Variants in NEDD9 observed in about 807,000 individuals in gnomAD.
NEDD9 encodes enhancer of filamentation 1.
NEDD9 carries 26 observed loss-of-function variants against 76.6 expected under a neutral mutation model. The ratio of observed to expected loss-of-function variants is 0.34; its 90% CI spans 0.25 to 0.47. The LOEUF is 0.47. Ranked by LOEUF, NEDD9 falls within the 20% of genes least tolerant of loss-of-function variation. The probability of loss-of-function intolerance (pLI) is 1.00; values close to 1 mark genes in which losing one functional copy is unlikely to be tolerated. For synonymous variants in NEDD9, 392 were observed against 414.2 expected (o/e 0.95, Z 0.65); for missense variants, 937 against 1,058.5 (o/e 0.89, Z 1.59).
intron 1 of NEDD9, among the ~76,000 whole-genome samples, chr6:11,340,736 T>C (rs1762257275): frequency 6.6e-6 from 1 of 152,224 alleles, no homozygotes; most frequent in Non-Finnish European, 1.5e-5. Flanking sequence ...ATAGATTCTC[T>C]CAATGGCCTT....
intron 1 of NEDD9, among the ~76,000 whole-genome samples, chr6:11,363,263 T>A (rs1762708778): frequency 6.6e-6 from 1 of 152,228 alleles, no homozygotes; most frequent in Admixed American, 6.5e-5. Flanking sequence ...ATCCCATGAT[T>A]AAAGAGATTG....
intron 1 of NEDD9, among the ~76,000 whole-genome samples, chr6:11,217,624 C>T (rs1302303386): frequency 6.6e-6 from 1 of 152,210 alleles, no homozygotes; most frequent in African/African-American, 2.4e-5. Flanking sequence ...AACCCTTTCA[C>T]TTTACAAAAG....
At chr6:11,328,183 G>T (rs1250373448) in intron 2 of NEDD9, among the ~76,000 whole-genome samples, 1 of 152,230 alleles carries the variant, frequency 6.6e-6, no homozygotes, top group Non-Finnish European at 1.5e-5. Context: ...GCGTGCATTG[G>T]TGGGTGGATG....
At chr6:11,188,463 G>T (rs1291882411) in intron 5 of NEDD9, among the ~76,000 whole-genome samples, 156 bp from the exon 6 acceptor site, 1 of 152,198 alleles carries the variant, frequency 6.6e-6, no homozygotes, top group Non-Finnish European at 1.5e-5. Context: ...GACGACAGGG[G>T]TGGCAGAAAA....
chr6:11,338,079 C>T (rs759454662), intron 1 of NEDD9, among the ~76,000 whole-genome samples: 2 of 152,168 alleles, frequency 1.3e-5, no homozygotes, highest in Non-Finnish European at 2.9e-5. Context: ...TCCTAAGCCC[C>T]AGTGCCTCAG....
intron 3 of NEDD9, among the ~76,000 whole-genome samples, chr6:11,294,791 TC>T (rs1760854071): frequency 6.6e-6 from 1 of 152,214 alleles, no homozygotes; most frequent in African/African-American, 2.4e-5. Context: ...GATCTGTATA[TC>T]CCTGATGATT....
At chr6:11,355,784 G>A (rs1000916496) in intron 1 of NEDD9, among the ~76,000 whole-genome samples, 34 of 151,866 alleles carry the variant, frequency 2.2e-4, no homozygotes, top group African/African-American at 7.7e-4. Context: ...GCAGTGGCGC[G>A]ATCTCCGCTC....
chr6:11,311,032 C>A (rs1465795134), intron 2 of NEDD9, among the ~76,000 whole-genome samples: 2 of 152,158 alleles, frequency 1.3e-5, no homozygotes, highest in African/African-American at 4.8e-5. Context: ...TGGGACTTTT[C>A]TCCATATATG....
chr6:11,202,545 C>T (rs2113738897), intron 2 of NEDD9, among the ~76,000 whole-genome samples: 1 of 152,266 alleles, frequency 6.6e-6, no homozygotes, highest in East Asian at 1.9e-4. Context: ...GCTTAAAATC[C>T]AAGAGTACTA....
intron 3 of NEDD9, among the ~76,000 whole-genome samples, chr6:11,247,947 A>C (rs1013134497): frequency 1.3e-5 from 2 of 152,212 alleles, no homozygotes; most frequent in Non-Finnish European, 2.9e-5. Flanking sequence ...ATTCCTTTGT[A>C]GGCTTTCCAC....
At chr6:11,237,270 T>C (rs1218461530), upstream of NEDD9, among the ~76,000 whole-genome samples, 1 of 152,200 alleles carries the variant, frequency 6.6e-6, no homozygotes. This position sits in a 1 kb window ranked among gnomAD's most constrained non-coding sequence, Gnocchi z 4.9. Context: ...AACAGGGTGG[T>C]ATCTTGTTCA....
At chr6:11,253,575 G>A (rs112407045) in intron 3 of NEDD9, among the ~76,000 whole-genome samples, 4 of 152,208 alleles carry the variant, frequency 2.6e-5, no homozygotes, top group African/African-American at 9.6e-5. Context: ...TTCAAAACTA[G>A]TTTCCACGTT....
chr6:11,230,589 G>C (rs1759439215), intron 1 of NEDD9, among the ~76,000 whole-genome samples: 1 of 152,176 alleles, frequency 6.6e-6, no homozygotes, highest in Non-Finnish European at 1.5e-5. Context: ...TAACTAGAGA[G>C]AAAGAAAACT....
intron 1 of NEDD9, among the ~76,000 whole-genome samples, chr6:11,216,026 C>T (rs1758943804): frequency 6.6e-6 from 1 of 152,180 alleles, no homozygotes; most frequent in African/African-American, 2.4e-5. Context: ...CAGTAACCTT[C>T]TTACCACCTG....
At chr6:11,313,425 ATGGG>A (rs1195139803) in intron 2 of NEDD9, among the ~76,000 whole-genome samples, 1 of 135,748 alleles carries the variant, frequency 7.4e-6, no homozygotes, top group Non-Finnish European at 1.6e-5. Context: ...GAATAGATGG[ATGGG>A]TGGGTGGGTG....
At chr6:11,374,068 A>G (rs55945223) in intron 1 of NEDD9, among the ~76,000 whole-genome samples, 11 of 147,918 alleles carry the variant, frequency 7.4e-5, no homozygotes, top group Non-Finnish European at 7.4e-5. Flanking sequence ...CTCTCTCTCT[A>G]TATATATATG....
At chr6:11,349,672 G>A in intron 1 of NEDD9, among the ~76,000 whole-genome samples, 1 of 152,154 alleles carries the variant, frequency 6.6e-6, no homozygotes, top group Admixed American at 6.5e-5. Context: ...ATCGGGAACA[G>A]AAAACCAAAC....
intron 3 of NEDD9, among the ~76,000 whole-genome samples, chr6:11,286,402 ATAGT>A (rs1216475773): frequency 2.0e-5 from 3 of 152,256 alleles, no homozygotes; most frequent in African/African-American, 7.2e-5. Flanking sequence ...TGATGGGAAC[ATAGT>A]TAGGCAGTTT....
chr6:11,312,185 C>T (rs1365484230), intron 2 of NEDD9, among the ~76,000 whole-genome samples: 1 of 152,140 alleles, frequency 6.6e-6, no homozygotes, highest in African/African-American at 2.4e-5. Context: ...GCCCCTCTCC[C>T]ACCCTGTGCT....
Sources: gnomAD v4.1 joint callset for allele counts (sites outside exome capture counted in the v4.1 genomes callset) on GRCh38, gnomAD v4.1.1 for gene constraint, Gnocchi (gnomAD v3.1) non-coding constraint, MANE v1.5 for transcripts, NCBI Gene and HGNC (gene_info 2026-07-23, HGNC 2026-07-21) for gene names.